Variants in ALOX5AP observed in about 807,000 individuals in gnomAD.
The protein encoded by ALOX5AP is arachidonate 5-lipoxygenase activating protein, also known as arachidonate 5-lipoxygenase-activating protein.
Under a neutral mutation model 18.5 loss-of-function variants are expected in ALOX5AP, and 9 were observed. The observed-to-expected ratio is 0.49, with a 90% CI of 0.29 to 0.85. The LOEUF (loss-of-function observed/expected upper bound fraction) is 0.85, where lower values mean the gene tolerates loss of function less well. Ranked by LOEUF, ALOX5AP falls within the 40% of genes least tolerant of loss-of-function variation. The pLI, the probability that ALOX5AP is intolerant of heterozygous loss-of-function variation, is 0.08. For missense variants in ALOX5AP, 172 were observed against 202.5 expected (o/e 0.85, Z 0.91); for synonymous variants, 81 against 78.6 (o/e 1.03, Z -0.16).
chr13:30,732,038 G>A (rs1416744661), upstream of ALOX5AP, among the ~76,000 whole-genome samples: 2 of 152,220 alleles, frequency 1.3e-5, no homozygotes. Context: ...ATCTTAATGT[G>A]CGCGCTGTAA....
intron 1 of ALOX5AP, among the ~76,000 whole-genome samples, chr13:30,741,833 T>TTTG (rs1384077712): frequency 6.7e-5 from 10 of 148,268 alleles, no homozygotes; most frequent in African/African-American, 2.0e-4. Flanking sequence ...GGTTTTCTGT[T>TTTG]TTTTTTTTTT....
At chr13:30,747,919 T>A (rs1402105684) in intron 2 of ALOX5AP, among the ~76,000 whole-genome samples, 1 of 152,216 alleles carries the variant, frequency 6.6e-6, no homozygotes, top group East Asian at 1.9e-4. Flanking sequence ...TCTTTCTGTT[T>A]TTTATTTTTA....
chr13:30,743,252 C>A (rs934281508), intron 1 of ALOX5AP, among the ~76,000 whole-genome samples: 1 of 152,018 alleles, frequency 6.6e-6, no homozygotes, highest in African/African-American at 2.4e-5. Flanking sequence ...CGGCCCCTTA[C>A]CATGCTCTTC....
At chr13:30,746,376 G>T (rs1216416654) in intron 2 of ALOX5AP, among the ~76,000 whole-genome samples, 1 of 152,252 alleles carries the variant, frequency 6.6e-6, no homozygotes, top group African/African-American at 2.4e-5. Context: ...GATAGCCATG[G>T]AAAGGTAGGA....
chr13:30,718,143 G>C (rs1381424058), intron 1 of ALOX5AP, among the ~76,000 whole-genome samples: 2 of 151,640 alleles, frequency 1.3e-5, no homozygotes, highest in Non-Finnish European at 2.9e-5. Flanking sequence ...ATTTTTAATA[G>C]AGACAGGGTT....
intron 1 of ALOX5AP, among the ~76,000 whole-genome samples, chr13:30,716,945 C>T (rs893748273): frequency 2.6e-5 from 4 of 152,260 alleles, no homozygotes; most frequent in Admixed American, 1.3e-4. Context: ...CAGCGCCACT[C>T]TCCTGGCATT....
chr13:30,749,631 C>T (rs1951836079), intron 2 of ALOX5AP, among the ~76,000 whole-genome samples: 1 of 152,188 alleles, frequency 6.6e-6, no homozygotes, highest in Admixed American at 6.5e-5. Flanking sequence ...TTGTAGGGGC[C>T]TCCTGCCCTT....
At position 30,735,594 on chromosome 13, in the gene ALOX5AP, C is replaced by A; in HGVS notation, c.-12C>A. On this transcript the variant is annotated 5_prime_UTR_variant, in exon 1 of 5. Coordinates refer to ENST00000380490, the MANE Select transcript of ALOX5AP (RefSeq NM_001629.4). ...AGGCAGAGCAGTCCTCTCTGGGGAG[C>A]CTGAAGCAAACATGGATCAAGAAAC... 6.2e-7 allele frequency: 1 copy of A among 1,614,126 alleles called. No homozygotes were observed. Among genetic ancestry groups the A allele is most frequent in the Non-Finnish European group, 8.5e-7 (1 of 1,180,032 alleles).
intron 3 of ALOX5AP, among the ~76,000 whole-genome samples, chr13:30,755,324 C>T (rs1242448551): frequency 2.0e-5 from 3 of 152,146 alleles, no homozygotes; most frequent in Admixed American, 2.0e-4. Flanking sequence ...GAAGGGTGTA[C>T]TTTTAAGAGA....
At chr13:30,754,138 C>G (rs1951873498) in intron 3 of ALOX5AP, among the ~76,000 whole-genome samples, 1 of 152,186 alleles carries the variant, frequency 6.6e-6, no homozygotes, top group Non-Finnish European at 1.5e-5. Context: ...ACTCGGGAGG[C>G]TGAGGCAGGA....
chr13:30,755,795 T>C (rs1413573722), intron 3 of ALOX5AP, 149 bp from the exon 4 acceptor site: 1 of 693,324 alleles, frequency 1.4e-6, no homozygotes, highest in Non-Finnish European at 2.5e-6. Flanking sequence ...TTAGGAAGGT[T>C]CTCAGGTTTC....
chr13:30,755,942 A>C lies in ALOX5AP; in HGVS notation c.242-2A>C. The C allele has an allele frequency of 6.2e-7, 1 of 1,613,984 alleles. No homozygotes were observed. Among genetic ancestry groups the C allele is most frequent in the Non-Finnish European group, 8.5e-7 (1 of 1,179,882 alleles). ...CACAGGTGTTTTCATTTCTCCACTTAGTTCCTGCTGCGTTTGCTGGACTGA... is the reference window on the plus strand; with the variant it reads ...CACAGGTGTTTTCATTTCTCCACTTCGTTCCTGCTGCGTTTGCTGGACTGA... On this transcript the variant is annotated splice_acceptor_variant, in intron 3 of 4. Transcript: ENST00000380490. LOFTEE classifies it high-confidence loss of function.
At chr13:30,731,392 A>G (rs1444390819), upstream of ALOX5AP, among the ~76,000 whole-genome samples, 1 of 127,640 alleles carries the variant, frequency 7.8e-6, no homozygotes, top group African/African-American at 3.2e-5. Flanking sequence ...TTTTTTTTTT[A>G]AGACAGGATC....
intron 1 of ALOX5AP, 95 bp downstream of exon 1, chr13:30,735,770 C>T (rs1039204637): frequency 5.0e-5 from 69 of 1,370,186 alleles, no homozygotes; most frequent in Middle Eastern, 3.7e-4. Context: ...TCTGTGTGTG[C>T]GCATGCACAA....
chr13:30,744,455 A>G (rs188632843), intron 2 of ALOX5AP: 143 of 275,508 alleles, frequency 5.2e-4, no homozygotes, highest in African/African-American at 2.3e-3. Context: ...AAGTTGACCT[A>G]TTTCCTGTGG....
chr13:30,718,742 C>A (rs1010126294), intron 1 of ALOX5AP, among the ~76,000 whole-genome samples: 2 of 152,178 alleles, frequency 1.3e-5, no homozygotes, highest in East Asian at 3.8e-4. Context: ...GGATCAGGGT[C>A]GCCCTAGCTG....
intron 2 of ALOX5AP, among the ~76,000 whole-genome samples, chr13:30,750,542 G>A (rs139698115): frequency 3.9e-5 from 6 of 152,248 alleles, no homozygotes; most frequent in African/African-American, 9.6e-5. Context: ...TGTGAATCCC[G>A]GCTTTGCCAC....
upstream of ALOX5AP, among the ~76,000 whole-genome samples, chr13:30,734,331 A>G (rs1485820636): frequency 3.3e-5 from 5 of 151,880 alleles, no homozygotes; most frequent in African/African-American, 1.2e-4. Context: ...CTGGCACTGT[A>G]CCTATGAGGG....
chr13:30,762,933 C>T (rs1007491114), intron 4 of ALOX5AP, among the ~76,000 whole-genome samples: 1 of 152,220 alleles, frequency 6.6e-6, no homozygotes, highest in Non-Finnish European at 1.5e-5. Context: ...AGGGTGGCCT[C>T]TGCATGCCAT....
Sources: allele counts gnomAD v4.1 joint callset (sites outside exome capture counted in the v4.1 genomes callset), GRCh38; gene constraint gnomAD v4.1.1; transcripts MANE v1.5; gene names NCBI Gene and HGNC (gene_info 2026-07-23, HGNC 2026-07-21).